Variants in CAST observed in about 807,000 individuals in gnomAD.
CAST encodes the protein calpastatin.
A neutral mutation model predicts 119.6 loss-of-function variants in CAST; 76 were observed. The observed-to-expected ratio is 0.64, with a 90% CI of 0.53 to 0.77. The LOEUF (loss-of-function observed/expected upper bound fraction) is 0.77. Ranked by LOEUF, CAST falls within the 30% of genes least tolerant of loss-of-function variation. The pLI, the probability that CAST is intolerant of heterozygous loss-of-function variation, is 0.00. For synonymous variants in CAST, 319 were observed against 331.6 expected (o/e 0.96, Z 0.41); for missense variants, 953 against 946.5 (o/e 1.01, Z -0.09).
the CAST span, among the ~76,000 whole-genome samples, chr5:95,977,711 T>C: frequency 4.9e-3 from 741 of 152,128 alleles, 9 homozygotes; most frequent in African/African-American, 0.017. Context: ...GGTAAACTCA[T>C]GTCATGGGGG....
At chr5:96,365,758 T>C in the CAST span, among the ~76,000 whole-genome samples, 1 of 152,250 alleles carries the variant, frequency 6.6e-6, no homozygotes, top group Non-Finnish European at 1.5e-5. Flanking sequence ...AGCACATTGA[T>C]GGGTCTTGAC....
chr5:96,355,303 G>A, the CAST span, among the ~76,000 whole-genome samples: 1 of 151,830 alleles, frequency 6.6e-6, no homozygotes, highest in Non-Finnish European at 1.5e-5. Context: ...TCCTGTGTTA[G>A]TTTGCTGAGA....
chr5:96,733,731 G>C lies in CAST; in HGVS notation c.631-2441G>C, dbSNP rs1194283479. On this transcript the variant is annotated intron_variant, in intron 9 of 31. Coordinates refer to ENST00000675179, the MANE Select transcript of CAST (RefSeq NM_001750.7). The stretch of plus-strand genomic sequence containing the variant: ...CGTCTCTACTAAAAATAAAAAATTA[G>C]CTGGGCATGGTGGCACAGGCCTGTA... Among the ~76,000 whole-genome samples the C allele has an allele frequency of 2.6e-5, 4 of 152,280 alleles. No individual in the cohort carries two copies. In the South Asian group the frequency reaches 8.3e-4, roughly 32 times the overall value.
At chr5:96,662,370 C>T, upstream of CAST, 3 of 1,383,678 alleles carry the variant, frequency 2.2e-6, no homozygotes, top group South Asian at 1.5e-5. Context: ...GCCAGGCCTC[C>T]CCGCCACTCT....
At chr5:96,026,101 G>C in the CAST span, among the ~76,000 whole-genome samples, 1 of 152,176 alleles carries the variant, frequency 6.6e-6, no homozygotes, top group African/African-American at 2.4e-5. Flanking sequence ...GCCAGGCATG[G>C]TGGCATGCAC....
At chr5:96,094,915 C>T in the CAST span, among the ~76,000 whole-genome samples, 1 of 152,120 alleles carries the variant, frequency 6.6e-6, no homozygotes, top group Non-Finnish European at 1.5e-5. Context: ...AAAAGTCTTC[C>T]TTATAGTTAT....
intron 1 of CAST, among the ~76,000 whole-genome samples, chr5:96,536,141 T>A (rs1370188531): frequency 6.7e-6 from 1 of 149,134 alleles, no homozygotes; most frequent in South Asian, 2.1e-4. Flanking sequence ...GTGAATCACC[T>A]GAGGTCAGGA....
intron 1 of CAST, among the ~76,000 whole-genome samples, chr5:96,530,108 A>G (rs1745663989): frequency 6.7e-6 from 1 of 149,432 alleles, no homozygotes; most frequent in African/African-American, 2.4e-5. Flanking sequence ...AAACATAATA[A>G]TTTCAAATTT....
chr5:96,678,717 C>T (rs1199450590), intron 2 of CAST, among the ~76,000 whole-genome samples: 1 of 151,892 alleles, frequency 6.6e-6, no homozygotes, highest in African/African-American at 2.4e-5. Context: ...CAAGGTGGCG[C>T]GCACCCGTAG....
the CAST span, among the ~76,000 whole-genome samples, chr5:96,237,187 T>C: frequency 1.3e-5 from 2 of 152,246 alleles, no homozygotes; most frequent in African/African-American, 4.8e-5. Context: ...GTTTCATATC[T>C]TTGTGTTATG....
At chr5:96,684,666 G>T (rs1251091242) in intron 2 of CAST, among the ~76,000 whole-genome samples, 1 of 151,686 alleles carries the variant, frequency 6.6e-6, no homozygotes, top group Non-Finnish European at 1.5e-5. Context: ...GGGTTCAAGC[G>T]ATTCTCCTGC....
the CAST span, among the ~76,000 whole-genome samples, chr5:96,106,103 G>T: frequency 2.6e-5 from 4 of 151,944 alleles, no homozygotes; most frequent in African/African-American, 9.7e-5. Context: ...ATTTTGTATT[G>T]TGTCTTTTGA....
intron 20 of CAST, among the ~76,000 whole-genome samples, chr5:96,753,623 C>T (rs1366451853): frequency 6.6e-6 from 1 of 152,206 alleles, no homozygotes. Context: ...CGAGCCTCCT[C>T]TTCTGAGACA....
At chr5:96,715,192 GC>G (rs1756985901) in intron 3 of CAST, 1 of 152,132 alleles carries the variant, frequency 6.6e-6, no homozygotes, top group Non-Finnish European at 1.5e-5. Context: ...ACTCTGCCAA[GC>G]TGTAGTTATC....
At chr5:96,575,019 T>C (rs941087397) in intron 1 of CAST, among the ~76,000 whole-genome samples, 3 of 152,194 alleles carry the variant, frequency 2.0e-5, no homozygotes, top group Non-Finnish European at 4.4e-5. Context: ...AGAATTGAAA[T>C]CTTTGTTGGG....
chr5:96,295,232 C>T, the CAST span, among the ~76,000 whole-genome samples: 211 of 152,182 alleles, frequency 1.4e-3, 1 homozygote, highest in African/African-American at 4.8e-3. Context: ...CGAATGCCCC[C>T]CATGGAGATG....
chr5:96,546,118 G>A (rs893731506), intron 1 of CAST: 2 of 152,244 alleles, frequency 1.3e-5, no homozygotes, highest in East Asian at 1.9e-4. Context: ...TAATCCTGTA[G>A]GGTTACCTCT....
intron 1 of CAST, among the ~76,000 whole-genome samples, chr5:96,567,346 A>G (rs1359035476): frequency 1.3e-5 from 2 of 152,156 alleles, no homozygotes; most frequent in South Asian, 2.1e-4. Context: ...TCGCCTCAGC[A>G]TATCTATCCA....
the CAST span, among the ~76,000 whole-genome samples, chr5:96,418,723 G>T: frequency 6.6e-6 from 1 of 152,160 alleles, no homozygotes; most frequent in Admixed American, 6.5e-5. Flanking sequence ...CTGACAACAT[G>T]CTAGAAGGCA....
Sources: allele counts gnomAD v4.1 joint callset (sites outside exome capture counted in the v4.1 genomes callset), GRCh38; gene constraint gnomAD v4.1.1; transcripts MANE v1.5; gene names NCBI Gene and HGNC (gene_info 2026-07-23, HGNC 2026-07-21).